Variants in CYP2J2 observed in about 807,000 individuals in gnomAD.
CYP2J2 encodes the protein cytochrome P450 2J2.
In CYP2J2, 41 loss-of-function variants were observed where a neutral mutation model predicts 48.8. The ratio of observed to expected loss-of-function variants is 0.84; its 90% CI spans 0.66 to 1.09. The LOEUF (loss-of-function observed/expected upper bound fraction) is 1.09, where lower values mean the gene tolerates loss of function less well. Among genes scored for constraint, CYP2J2 ranks in the 50% least tolerant of loss-of-function variants. The pLI is 0.00. For missense variants in CYP2J2, 644 were observed against 617.3 expected (o/e 1.04, Z -0.46); for synonymous variants, 221 against 227.1 (o/e 0.97, Z 0.24).
the CYP2J2 span, among the ~76,000 whole-genome samples, chr1:59,953,416 G>GA: frequency 2.6e-5 from 4 of 152,042 alleles, no homozygotes; most frequent in Admixed American, 2.6e-4. Context: ...AAGAGTAAAT[G>GA]AAAAAATGAT....
chr1:59,955,022 C>A, the CYP2J2 span, among the ~76,000 whole-genome samples: 1 of 151,670 alleles, frequency 6.6e-6, no homozygotes, highest in East Asian at 1.9e-4. Context: ...CCTGTAGTCC[C>A]AGCTACTTGG....
chr1:59,905,962 G>A (rs561972954), intron 6 of CYP2J2, among the ~76,000 whole-genome samples: 11 of 152,248 alleles, frequency 7.2e-5, no homozygotes, highest in African/African-American at 2.2e-4. Flanking sequence ...CAACGCAGGC[G>A]GATCACGAGG....
the CYP2J2 span, among the ~76,000 whole-genome samples, chr1:59,932,659 G>A: frequency 2.0e-5 from 3 of 151,658 alleles, no homozygotes; most frequent in Admixed American, 6.6e-5. Flanking sequence ...GAATACCAGA[G>A]AAGAGATAAA....
the CYP2J2 span, among the ~76,000 whole-genome samples, chr1:59,935,030 A>ATATACATATATATATATATC: frequency 9.0e-6 from 1 of 110,618 alleles, no homozygotes; most frequent in South Asian, 2.7e-4. Context: ...ATATATATAT[A>ATATACATATATATATATATC]TATATATATA....
At chr1:59,935,042 A>G in the CYP2J2 span, among the ~76,000 whole-genome samples, 7 of 123,754 alleles carry the variant, frequency 5.7e-5, no homozygotes, top group East Asian at 1.1e-3. Context: ...ATATATATAT[A>G]TATATATATA....
chr1:59,945,983 G>A, the CYP2J2 span, among the ~76,000 whole-genome samples: 1 of 152,168 alleles, frequency 6.6e-6, no homozygotes, highest in African/African-American at 2.4e-5. Flanking sequence ...TATGGCAAAA[G>A]CCTGCTTTAA....
At chr1:59,930,454 T>C (rs1162539952), upstream of CYP2J2, among the ~76,000 whole-genome samples, 5 of 152,184 alleles carry the variant, frequency 3.3e-5, no homozygotes, top group Non-Finnish European at 7.4e-5. Context: ...ATGTGTAAAG[T>C]AGCATCTTAT....
upstream of CYP2J2, among the ~76,000 whole-genome samples, chr1:59,930,829 G>A (rs900733822): frequency 6.6e-6 from 1 of 152,122 alleles, no homozygotes; most frequent in Admixed American, 6.5e-5. Flanking sequence ...ACTTAAGAAT[G>A]TCCTTAGATT....
chr1:59,935,033 TATATATATATATATATATAC>T, the CYP2J2 span, among the ~76,000 whole-genome samples: 75 of 96,922 alleles, frequency 7.7e-4, 1 homozygote, highest in African/African-American at 3.0e-3. Context: ...TATATATATA[TATATATATATATATATATAC>T]ACAACAGAAT....
At chr1:59,908,050 T>C (rs1644380275) in intron 5 of CYP2J2, 123 bp from the exon 6 acceptor site, 1 of 951,058 alleles carries the variant, frequency 1.1e-6, no homozygotes, top group Non-Finnish European at 1.6e-6. Flanking sequence ...AGAAACAATT[T>C]TCCCTTTGGC....
chr1:59,969,119 G>A, the CYP2J2 span, among the ~76,000 whole-genome samples: 1 of 152,192 alleles, frequency 6.6e-6, no homozygotes, highest in Non-Finnish European at 1.5e-5. Flanking sequence ...GCTCATAAAG[G>A]CAGTGTGGAC....
chr1:59,900,870 A>G (rs1290461609), intron 8 of CYP2J2, 95 bp downstream of exon 8: 4 of 1,418,780 alleles, frequency 2.8e-6, no homozygotes, highest in East Asian at 4.6e-5. Flanking sequence ...GGCTGTCTGG[A>G]GACATTCCAA....
the CYP2J2 span, among the ~76,000 whole-genome samples, chr1:59,949,043 G>GA: frequency 3.5e-4 from 51 of 147,476 alleles, no homozygotes; most frequent in Admixed American, 6.1e-4. Flanking sequence ...CCACATCTCT[G>GA]AAAAAAAAAA....
chr1:59,952,724 C>T, the CYP2J2 span, among the ~76,000 whole-genome samples: 1 of 152,128 alleles, frequency 6.6e-6, no homozygotes, highest in East Asian at 1.9e-4. Context: ...AACTGGGAGT[C>T]ATCATTTATT....
chr1:59,909,909 T>C lies in CYP2J2; in HGVS notation c.736A>G (p.Thr246Ala). The C allele has an allele frequency of 6.2e-7, 1 of 1,611,562 alleles. No homozygotes were observed. Among genetic ancestry groups the C allele is most frequent in the Non-Finnish European group, 8.5e-7 (1 of 1,178,978 alleles). The stretch of plus-strand genomic sequence containing the variant: ...AGTTTTTTCCAGTTGCTGAAGAGAG[T>C]TTGGTGGGGTCCAGGCAGGAATTTC... ...IMKFLPGPHQTLFSNWKKLKL... is the reference protein window; with the variant it reads ...IMKFLPGPHQALFSNWKKLKL... The change falls in exon 5 of 9, where the codon ACT becomes GCT. Residue 246 changes from threonine (T) to alanine (A), a missense_variant. Coordinates refer to ENST00000371204, the MANE Select transcript of CYP2J2 (RefSeq NM_000775.4).
chr1:59,938,894 G>C, the CYP2J2 span, among the ~76,000 whole-genome samples: 4 of 152,210 alleles, frequency 2.6e-5, no homozygotes, highest in African/African-American at 9.7e-5. Flanking sequence ...CGAGACTAGA[G>C]AATGGCGATG....
rs1644351934 is a variant in CYP2J2 at position 59,904,889 on chromosome 1, A to G, written c.1173T>C (p.Ala391=). 2 of 1,613,774 alleles carry G rather than the reference A, an allele frequency of 1.2e-6. No individual in the cohort carries two copies. Among genetic ancestry groups the G allele is most frequent in the African/African-American group, 2.7e-5 (2 of 75,034 alleles). The change falls in exon 7 of 9, where the codon GCT becomes GCC. Residue 391 remains alanine, a synonymous_variant. Transcript: ENST00000371204. ...PREVTVDTTL[A]GYHLPKGTMI... ...TAATTACCTTGGGCAGGTGGTACCC[A>G]GCCAAAGTGGTATCAACTGTCACTT...
chr1:59,909,926 A>G lies in CYP2J2; in HGVS notation c.719T>C (p.Leu240Pro). The change falls in exon 5 of 9, where the codon CTG (leucine) becomes CCG (proline). Residue 240 changes from leucine (L) to proline (P), a missense_variant. By Grantham distance (98) the Leu-to-Pro change is moderately conservative. Coordinates refer to ENST00000371204, the MANE Select transcript of CYP2J2 (RefSeq NM_000775.4). ...YNVFPWIMKF[L>P]PGPHQTLFSN... Reference sequence around the variant, plus strand: ...GAAGAGAGTTTGGTGGGGTCCAGGCAGGAATTTCATTATCCATGGAAAGAC... The same window carrying G: ...GAAGAGAGTTTGGTGGGGTCCAGGCGGGAATTTCATTATCCATGGAAAGAC... The G allele has an allele frequency of 6.2e-7, 1 of 1,610,130 alleles. No individual in the cohort carries two copies. The highest frequency in any genetic ancestry group is 8.5e-7 in the Non-Finnish European group (1 of 1,178,802).
the CYP2J2 span, among the ~76,000 whole-genome samples, chr1:59,953,834 G>C: frequency 1.3e-5 from 2 of 152,188 alleles, no homozygotes; most frequent in African/African-American, 4.8e-5. Context: ...TGTGGTAGTA[G>C]TAAGGGTCAT....
Sources: gnomAD v4.1 joint callset for allele counts (sites outside exome capture counted in the v4.1 genomes callset) on GRCh38, gnomAD v4.1.1 for gene constraint, MANE v1.5 for transcripts, NCBI Gene and HGNC (gene_info 2026-07-23, HGNC 2026-07-21) for gene names.